Variants in KCTD3 observed in about 807,000 individuals in gnomAD.
The protein encoded by KCTD3 is potassium channel tetramerization domain containing 3.
In KCTD3, 41 loss-of-function variants were observed where a neutral mutation model predicts 85.8. The ratio of observed to expected loss-of-function variants is 0.48; its 90% CI spans 0.37 to 0.62. KCTD3 has a LOEUF of 0.62. Ranked by LOEUF, KCTD3 falls within the 20% of genes least tolerant of loss-of-function variation. The probability of loss-of-function intolerance (pLI) is 0.00; values close to 1 mark genes in which losing one functional copy is unlikely to be tolerated. For missense variants in KCTD3, 724 were observed against 989.9 expected, an observed-to-expected ratio of 0.73 and a Z score of 3.60; for synonymous variants, 338 against 345.4, an observed-to-expected ratio of 0.98 and a Z score of 0.24.
chr1:215,586,710 C>T, intron 9 of KCTD3, 25 bp downstream of exon 9: 1 of 1,564,520 alleles, frequency 6.4e-7, no homozygotes, highest in Non-Finnish European at 8.7e-7. Context: ...GTTTATGTTG[C>T]AATTTGATGA....
Position 215,579,130 on chromosome 1 carries a change from TA to T in KCTD3, c.529del (p.Arg177GlyfsTer2), listed in dbSNP as rs1480252599. 6.2e-7 allele frequency: 1 copy of T among 1,610,346 alleles called. No individual in the cohort carries two copies. The highest frequency in any genetic ancestry group is 1.3e-5 in the African/African-American group (1 of 74,570). On this transcript the variant is annotated frameshift_variant, in exon 7 of 18. Transcript: ENST00000259154. LOFTEE classifies it high-confidence loss of function. The part of the protein sequence containing the change: ...VLSGTGEETV[R>X]LGFPVDPRKV... The stretch of plus-strand genomic sequence containing the variant: ...TCTCTGGAACGGGAGAAGAAACTGT[TA>T]GGCTAGGTAAGCAAAGATTACAGAA...
chr1:215,602,666 C>T (rs1654881119), intron 12 of KCTD3, among the ~76,000 whole-genome samples: 1 of 151,876 alleles, frequency 6.6e-6, no homozygotes, highest in Non-Finnish European at 1.5e-5. Context: ...TTTTAGAGGC[C>T]ATTGCAATAA....
At position 215,579,905 on chromosome 1, in the gene KCTD3, A is replaced by G. The variant is rs778851331; in HGVS notation, c.536-4A>G. 1.2e-6 allele frequency: 2 copies of G among 1,608,460 alleles called. No individual in the cohort carries two copies. The highest frequency in any genetic ancestry group is 2.7e-5 in the African/African-American group (2 of 74,796). ...TAAAATATTTCTTTTTCCAAAATCA[A>G]CAGGATTTCCTGTGGATCCACGAAA... On this transcript the variant is annotated splice_region_variant and splice_polypyrimidine_tract_variant and intron_variant, in intron 7 of 17. Coordinates refer to ENST00000259154, the MANE Select transcript of KCTD3 (RefSeq NM_016121.5).
chr1:215,593,377 T>C (rs1660292878), intron 9 of KCTD3, among the ~76,000 whole-genome samples: 1 of 152,216 alleles, frequency 6.6e-6, no homozygotes, highest in African/African-American at 2.4e-5. Flanking sequence ...CTAACAATAC[T>C]TAGCAGGTTT....
chr1:215,603,914 C>G (rs116574974), intron 12 of KCTD3, among the ~76,000 whole-genome samples: 3,273 of 151,980 alleles, frequency 0.022, 109 homozygotes, highest in African/African-American at 0.073. Context: ...TGAATAGTTA[C>G]GTCTTGGAGT....
At chr1:215,603,998 T>TA in intron 12 of KCTD3, 134 bp from the exon 13 acceptor site, 1 of 584,612 alleles carries the variant, frequency 1.7e-6, no homozygotes, top group East Asian at 2.9e-5. Flanking sequence ...TTTTTTTTTT[T>TA]ACTGAACTGG....
At chr1:215,616,856 A>G (rs1364265936) in intron 15 of KCTD3, among the ~76,000 whole-genome samples, 1 of 152,208 alleles carries the variant, frequency 6.6e-6, no homozygotes, top group Non-Finnish European at 1.5e-5. Flanking sequence ...AAATTCTTAA[A>G]GTCTTCCAAA....
Position 215,601,876 on chromosome 1 carries a change from G to A in KCTD3, c.943G>A (p.Val315Ile). The A allele has an allele frequency of 1.3e-6, 2 of 1,571,132 alleles. No homozygotes were observed. The highest frequency in any genetic ancestry group is 1.8e-6 in the Non-Finnish European group (2 of 1,142,778). Residue 315 changes from valine to isoleucine, a missense_variant, in exon 11 of 18, where the codon GTT becomes ATT. Val to Ile is a conservative substitution (Grantham distance 29). This residue lies in a region of KCTD3 where 146 missense variants were observed against 320.3 expected (regional missense o/e 0.46). Coordinates refer to ENST00000259154, the MANE Select transcript of KCTD3 (RefSeq NM_016121.5). The stretch of plus-strand genomic sequence containing the variant: ...ACTCTCACTACATCAGGTTCAAGAT[G>A]TTGTTCCTATAACTAGTTATGACAC... ...AVTQHWQVQD[V>I]VPITSYDTAG... is the part of the protein sequence containing the mutation.
At position 215,621,278 on chromosome 1, in the gene KCTD3, C is replaced by T. The variant is rs1335677302; in HGVS notation, c.*660C>T. The stretch of plus-strand genomic sequence containing the variant: ...ATTAGCAATATTAAATGCCAAAATT[C>T]CATTGAAACTTTCAAGTTGGAGCAA... On this transcript the variant is annotated 3_prime_UTR_variant, in exon 18 of 18. Transcript: ENST00000259154. 6.6e-6 allele frequency: 1 copy of T among 152,312 alleles called. No homozygotes were observed. Among genetic ancestry groups the T allele is most frequent in the African/African-American group, 2.4e-5 (1 of 41,400 alleles). 9.4% of individuals were successfully genotyped at this position (152,312 alleles called of 1,614,324 possible).
intron 8 of KCTD3, among the ~76,000 whole-genome samples, chr1:215,584,952 G>C (rs542673431): frequency 1.3e-5 from 2 of 152,110 alleles, no homozygotes; most frequent in African/African-American, 2.4e-5. Context: ...GCAAAATCTC[G>C]AAAGAAAAGT....
In KCTD3 at chr1:215,611,793, T is replaced by C. The variant is rs377017503; in HGVS notation, c.1466-32T>C. Reference sequence around the variant, plus strand: ...AAATGAGAAAAAATAAAATTTTAATTAATTTTTTGACATTTTTGTTTTCTG... The same window carrying C: ...AAATGAGAAAAAATAAAATTTTAATCAATTTTTTGACATTTTTGTTTTCTG... On this transcript the variant is annotated intron_variant, in intron 14 of 17. Transcript: ENST00000259154. The C allele has an allele frequency of 2.9e-6, 4 of 1,385,688 alleles. No individual in the cohort carries two copies. In the African/African-American group the frequency reaches 5.8e-5, roughly 20 times the overall value. 85.8% of individuals were successfully genotyped at this position (1,385,688 alleles called of 1,614,324 possible). A position where few individuals can be genotyped will look rare whatever the true frequency, so the allele number is the denominator to read the frequency against.
chr1:215,619,099 C>T, intron 16 of KCTD3, 29 bp downstream of exon 16: 1 of 1,608,546 alleles, frequency 6.2e-7, no homozygotes, highest in Non-Finnish European at 8.5e-7. Context: ...AGATGTTTGT[C>T]ACAAGGTTAA....
chr1:215,612,010 G>C (rs1655252295), intron 15 of KCTD3, 89 bp downstream of exon 15: 1 of 830,394 alleles, frequency 1.2e-6, no homozygotes, highest in Non-Finnish European at 2.0e-6. Context: ...TGACCAAAGA[G>C]TGCTACTAGA....
chr1:215,615,568 T>C (rs988711165), intron 15 of KCTD3, among the ~76,000 whole-genome samples: 4 of 149,206 alleles, frequency 2.7e-5, no homozygotes, highest in Non-Finnish European at 4.4e-5. Flanking sequence ...TGCAGTGAGC[T>C]GAGATCGCGC....
At chr1:215,570,086 A>G (rs1448063462) in intron 1 of KCTD3, among the ~76,000 whole-genome samples, 3 of 152,208 alleles carry the variant, frequency 2.0e-5, no homozygotes, top group Admixed American at 2.0e-4. Context: ...TAGTCACTTA[A>G]GCCACTGTAA....
chr1:215,599,552 A>C (rs369511517), intron 10 of KCTD3, among the ~76,000 whole-genome samples: 10 of 152,338 alleles, frequency 6.6e-5, no homozygotes, highest in Admixed American at 3.3e-4. Flanking sequence ...ATTTGTGACC[A>C]CATGACTGAA....
chr1:215,571,788 C>T (rs1221764892), intron 1 of KCTD3, among the ~76,000 whole-genome samples: 4 of 152,088 alleles, frequency 2.6e-5, no homozygotes, highest in Admixed American at 6.5e-5. Context: ...CCCGCCACCA[C>T]GCCTGGCTAA....
At chr1:215,602,968 T>A (rs1325645854) in intron 12 of KCTD3, among the ~76,000 whole-genome samples, 1 of 152,200 alleles carries the variant, frequency 6.6e-6, no homozygotes, top group East Asian at 1.9e-4. Context: ...TAGGGTTTAG[T>A]AAACCACGGA....
intron 8 of KCTD3, among the ~76,000 whole-genome samples, chr1:215,584,047 G>A (rs963700902): frequency 1.3e-5 from 2 of 152,142 alleles, no homozygotes; most frequent in African/African-American, 4.8e-5. Flanking sequence ...AGCTGATATG[G>A]AGTTGGAACC....
Sources: gnomAD v4.1 joint callset for allele counts (sites outside exome capture counted in the v4.1 genomes callset) on GRCh38, gnomAD v4.1.1 for gene constraint, gnomAD v4.1.1 regional missense constraint, MANE v1.5 for transcripts, NCBI Gene and HGNC (gene_info 2026-07-23, HGNC 2026-07-21) for gene names.